MED27: variants seen among roughly 807,000 people sequenced by gnomAD.
MED27 encodes the protein mediator of RNA polymerase II transcription subunit 27.
MED27 carries 30 observed loss-of-function variants against 38.2 expected under a neutral mutation model. That is an observed-to-expected ratio of 0.79 (90% CI 0.59 to 1.07). The LOEUF (loss-of-function observed/expected upper bound fraction) is 1.07. MED27 is among the 50% of genes least tolerant of loss of function. The pLI, the probability that MED27 is intolerant of heterozygous loss-of-function variation, is 0.00. For missense variants in MED27, 289 were observed against 397.5 expected (o/e 0.73, Z 2.32); for synonymous variants, 122 against 153.5 (o/e 0.79, Z 1.52).
chr9:131,960,492 C>G (rs1037348367), intron 3 of MED27, among the ~76,000 whole-genome samples: 2 of 152,174 alleles, frequency 1.3e-5, no homozygotes, highest in African/African-American at 2.4e-5. Flanking sequence ...AGCAAAGAGT[C>G]TCTCTCACTC....
At chr9:131,949,373 C>G (rs565452844) in intron 3 of MED27, among the ~76,000 whole-genome samples, 74 of 152,192 alleles carry the variant, frequency 4.9e-4, no homozygotes, top group South Asian at 4.1e-3. Context: ...GCACTCTTTG[C>G]CTCGCTCAAT....
chr9:131,994,304 A>G (rs1046950174), intron 3 of MED27, among the ~76,000 whole-genome samples: 2 of 152,168 alleles, frequency 1.3e-5, no homozygotes, highest in African/African-American at 2.4e-5. Context: ...TCCTTGGTCT[A>G]TGGGGTAAGA....
At chr9:131,999,382 A>C (rs972908256) in intron 3 of MED27, among the ~76,000 whole-genome samples, 9 of 152,166 alleles carry the variant, frequency 5.9e-5, no homozygotes, top group African/African-American at 1.9e-4. Flanking sequence ...GTTTCATGTG[A>C]GACCCAAGTC....
intron 4 of MED27, among the ~76,000 whole-genome samples, chr9:131,938,002 C>T (rs772328961): frequency 4.6e-5 from 7 of 152,066 alleles, no homozygotes; most frequent in Admixed American, 1.3e-4. Flanking sequence ...ATCGCATTAT[C>T]TCCTTTTCTT....
At chr9:131,895,582 ATAGCTCT>A (rs1269376569) in intron 4 of MED27, among the ~76,000 whole-genome samples, 1 of 152,238 alleles carries the variant, frequency 6.6e-6, no homozygotes, top group African/African-American at 2.4e-5. Flanking sequence ...CGTTAGGTTG[ATAGCTCT>A]ATTTCTGTAT....
chr9:131,876,562 C>T (rs1421108600), intron 6 of MED27, among the ~76,000 whole-genome samples: 1 of 152,264 alleles, frequency 6.6e-6, no homozygotes, highest in Non-Finnish European at 1.5e-5. Flanking sequence ...GAGAAGGTGG[C>T]GGTAAAAGGG....
intron 3 of MED27, among the ~76,000 whole-genome samples, chr9:131,971,359 A>AG (rs1037687102): frequency 9.9e-5 from 15 of 152,204 alleles, no homozygotes; most frequent in Admixed American, 3.3e-4. Context: ...TAGCAAGGAC[A>AG]GGGGGAGAGA....
chr9:132,079,587 G>C, intron 1 of MED27, 55 bp downstream of exon 1: 1 of 1,557,228 alleles, frequency 6.4e-7, no homozygotes, highest in Non-Finnish European at 8.8e-7. Flanking sequence ...GCGACGTAGG[G>C]GCAGGGTCGG....
intron 4 of MED27, among the ~76,000 whole-genome samples, chr9:131,898,595 T>G (rs1257195109): frequency 1.5e-5 from 2 of 136,658 alleles, no homozygotes; most frequent in African/African-American, 5.8e-5. Context: ...GCTTTATGCA[T>G]TTTTTTTTTT....
At chr9:132,014,874 G>C (rs1012685802) in intron 2 of MED27, among the ~76,000 whole-genome samples, 1 of 152,168 alleles carries the variant, frequency 6.6e-6, no homozygotes, top group Admixed American at 6.5e-5. Context: ...AGTAGAATTC[G>C]AGTGATTTTT....
At position 131,955,432 on chromosome 9, in the gene MED27, T is replaced by C. The variant is rs552520464; in HGVS notation, c.480-15958A>G. 4.0e-5 allele frequency among the ~76,000 whole-genome samples: 6 copies of C among 151,520 alleles called. No individual in the cohort carries two copies. In the South Asian group the frequency reaches 6.3e-4, roughly 16 times the overall value. The stretch of plus-strand genomic sequence containing the variant: ...CAATAATGTGTGTAAATCAATGAAA[T>C]AGAAGACAGATACAGAAAAATCACC... On this transcript the variant is annotated intron_variant, in intron 3 of 7. Coordinates refer to ENST00000292035, the MANE Select transcript of MED27 (RefSeq NM_004269.4).
intron 2 of MED27, among the ~76,000 whole-genome samples, chr9:132,054,340 C>T (rs1833528776): frequency 6.6e-6 from 1 of 152,208 alleles, no homozygotes; most frequent in Admixed American, 6.5e-5. Context: ...TAAGAGCTCC[C>T]TGAGGCCTCC....
chr9:131,914,415 C>T (rs4740333), intron 4 of MED27, among the ~76,000 whole-genome samples: 40,415 of 152,078 alleles, frequency 0.27, 5,755 homozygotes, highest in East Asian at 0.39. Context: ...GTACCTTCCT[C>T]TGAGGGCTGC....
chr9:131,963,195 T>C (rs917550447), intron 3 of MED27, among the ~76,000 whole-genome samples: 10 of 152,128 alleles, frequency 6.6e-5, no homozygotes, highest in Admixed American at 4.6e-4. Context: ...TCAGGGATAA[T>C]AGCAACCGTA....
chr9:132,064,553 C>T (rs1452522164), intron 2 of MED27, among the ~76,000 whole-genome samples: 7 of 152,218 alleles, frequency 4.6e-5, no homozygotes, highest in Admixed American at 4.6e-4. Context: ...ATAGTGTTCT[C>T]TTCCAATCAA....
chr9:131,968,604 A>T (rs1831408558), intron 3 of MED27, among the ~76,000 whole-genome samples: 1 of 152,016 alleles, frequency 6.6e-6, no homozygotes, highest in South Asian at 2.1e-4. Context: ...AGGGGCAGAG[A>T]TGGGACAAGA....
chr9:131,946,778 C>T (rs955254570), intron 3 of MED27, among the ~76,000 whole-genome samples: 1 of 152,340 alleles, frequency 6.6e-6, no homozygotes, highest in South Asian at 2.1e-4. Context: ...ATTCTTCTCA[C>T]AAGTATTCTC....
chr9:131,891,131 A>G (rs1391939180), intron 5 of MED27, among the ~76,000 whole-genome samples: 1 of 152,226 alleles, frequency 6.6e-6, no homozygotes, highest in Non-Finnish European at 1.5e-5. Flanking sequence ...GATGGGAAGG[A>G]AGATGGCATT....
chr9:131,900,168 G>A (rs1345610114), intron 4 of MED27, among the ~76,000 whole-genome samples: 2 of 152,286 alleles, frequency 1.3e-5, no homozygotes, highest in African/African-American at 4.8e-5. Flanking sequence ...AGCCCAGCCC[G>A]CCTCCCATCT....
Sources: gnomAD v4.1 joint callset for allele counts (sites outside exome capture counted in the v4.1 genomes callset) on GRCh38, gnomAD v4.1.1 for gene constraint, MANE v1.5 for transcripts, NCBI Gene and HGNC (gene_info 2026-07-23, HGNC 2026-07-21) for gene names.